DCP1A: variants seen among roughly 807,000 people sequenced by gnomAD.
DCP1A encodes mRNA-decapping enzyme 1A.
Under a neutral mutation model 58.0 loss-of-function variants are expected in DCP1A, and 20 were observed. The ratio of observed to expected loss-of-function variants is 0.34; its 90% CI spans 0.24 to 0.50. The LOEUF (loss-of-function observed/expected upper bound fraction) is 0.50, where lower values mean the gene tolerates loss of function less well. DCP1A is among the 20% of genes least tolerant of loss of function. The pLI is 0.98. For synonymous variants in DCP1A, 285 were observed against 275.1 expected (o/e 1.04, Z -0.36); for missense variants, 613 against 712.2 (o/e 0.86, Z 1.59).
chr3:53,313,008 A>G (rs2106836941), intron 4 of DCP1A, among the ~76,000 whole-genome samples: 1 of 152,256 alleles, frequency 6.6e-6, no homozygotes, highest in East Asian at 1.9e-4. Flanking sequence ...AGTCAAACTA[A>G]TTGCTAAAGT....
chr3:53,331,602 A>G (rs1158850655), intron 3 of DCP1A, among the ~76,000 whole-genome samples: 1 of 104,114 alleles, frequency 9.6e-6, no homozygotes, highest in African/African-American at 3.2e-5. Context: ...TGCATACAAC[A>G]AAACTGCCTA....
At chr3:53,316,837 C>G (rs1707829418) in intron 4 of DCP1A, among the ~76,000 whole-genome samples, 2 of 151,984 alleles carry the variant, frequency 1.3e-5, no homozygotes, top group Admixed American at 1.3e-4. Flanking sequence ...TGAAAGAAGC[C>G]CCAATGCTCT....
chr3:53,329,424 A>G (rs2088941677), intron 3 of DCP1A: 1 of 398,594 alleles, frequency 2.5e-6, no homozygotes. Context: ...ACGAAGGGGT[A>G]CTTCTCTCTG....
intron 3 of DCP1A, among the ~76,000 whole-genome samples, chr3:53,331,613 A>C (rs1189712449): frequency 1.4e-5 from 1 of 73,362 alleles, no homozygotes; most frequent in Non-Finnish European, 3.6e-5. Context: ...AAACTGCCTA[A>C]TGGCGCCTTT....
At chr3:53,312,677 G>A (rs1054819946) in intron 4 of DCP1A, among the ~76,000 whole-genome samples, 1 of 151,878 alleles carries the variant, frequency 6.6e-6, no homozygotes, top group African/African-American at 2.4e-5. Flanking sequence ...TGTATTTTTA[G>A]TAGAGATGGG....
At chr3:53,289,842 T>C (rs567016745) in intron 8 of DCP1A, among the ~76,000 whole-genome samples, 81 of 152,226 alleles carry the variant, frequency 5.3e-4, no homozygotes, top group Non-Finnish European at 9.3e-4. Flanking sequence ...CTTTCTCTTA[T>C]ATGTCACCTC....
intron 2 of DCP1A, among the ~76,000 whole-genome samples, chr3:53,344,328 T>A (rs1406492370): frequency 6.6e-6 from 1 of 152,168 alleles, no homozygotes; most frequent in Non-Finnish European, 1.5e-5. Context: ...AACAAAAAAG[T>A]TGCAATTTGC....
chr3:53,316,687 T>C lies in DCP1A; in HGVS notation c.371+2720A>G, dbSNP rs541138648. On this transcript the variant is annotated intron_variant, in intron 4 of 9. Coordinates refer to ENST00000610213, the MANE Select transcript of DCP1A (RefSeq NM_018403.7). ...TTGAACTCCTGGCCTTAAGCAATCC[T>C]CCCCGCCTTGACCTCCCAAAGTGCT... is the stretch of plus-strand genomic sequence containing the variant. Among the ~76,000 whole-genome samples, 7 of 139,316 alleles carry C rather than the reference T, an allele frequency of 5.0e-5. No individual in the cohort carries two copies. The East Asian group carries it at 1.7e-3, about 34-fold the overall frequency. 91.4% of individuals were successfully genotyped at this position (139,316 alleles called of 152,430 possible).
rs1553686094 is a variant in DCP1A, at chr3:53,292,189, A to G, written c.1263T>C (p.Phe421=). The change falls in exon 7 of 10, where the codon TTT becomes TTC. Residue 421 remains phenylalanine (F), a synonymous_variant. Coordinates refer to ENST00000610213, the MANE Select transcript of DCP1A (RefSeq NM_018403.7). ...PLGKGAMVAS[F]SPAAGQLATP... ...TGGCTAGCTGACCAGCTGCCGGAGAAAAGCTGGCTACCATTGCACCTTTCC... is the reference window on the plus strand; with the variant it reads ...TGGCTAGCTGACCAGCTGCCGGAGAGAAGCTGGCTACCATTGCACCTTTCC... 1 of 1,613,990 alleles carries G rather than the reference A, an allele frequency of 6.2e-7. No individual in the cohort carries two copies. The highest frequency in any genetic ancestry group is 2.2e-5 in the East Asian group (1 of 44,866).
intron 3 of DCP1A, among the ~76,000 whole-genome samples, chr3:53,328,033 T>C (rs781848080): frequency 6.6e-6 from 1 of 151,724 alleles, no homozygotes; most frequent in Non-Finnish European, 1.5e-5. Context: ...GGCAGAAGAA[T>C]CACTTGAACC....
At chr3:53,323,861 C>CA (rs11451581) in intron 3 of DCP1A, among the ~76,000 whole-genome samples, 7,160 of 72,124 alleles carry the variant, frequency 0.099, 492 homozygotes, top group African/African-American at 0.21. Flanking sequence ...GACTCTGTCT[C>CA]AAAAAAAAAA....
intron 3 of DCP1A, among the ~76,000 whole-genome samples, chr3:53,323,347 T>TA (rs782585813): frequency 9.2e-5 from 14 of 152,250 alleles, no homozygotes; most frequent in Non-Finnish European, 2.1e-4. Context: ...GGTTCTTAGT[T>TA]ACGCTCTTAG....
At chr3:53,329,057 C>T (rs1367108469) in intron 3 of DCP1A, 2 of 293,278 alleles carry the variant, frequency 6.8e-6, no homozygotes, top group Non-Finnish European at 1.2e-5. Context: ...ATGAATTCCT[C>T]TTTCAGTGTG....
chr3:53,313,992 C>T (rs999312189), intron 4 of DCP1A, among the ~76,000 whole-genome samples: 22 of 152,094 alleles, frequency 1.4e-4, no homozygotes, highest in African/African-American at 4.3e-4. Context: ...GCCTCAGCCT[C>T]CCAAAATACT....
rs1706534804 is a variant in DCP1A, at chr3:53,284,082, G to C, written c.*3498C>G. On this transcript the variant is annotated 3_prime_UTR_variant, in exon 10 of 10. Transcript: ENST00000610213. ...ACTGAAGAAAACTGAAGGGAGGCAA[G>C]AAAGAAAAACATACTCTGCAGCAAA... 1 of 152,220 alleles carries C rather than the reference G, an allele frequency of 6.6e-6. No individual in the cohort carries two copies. Among genetic ancestry groups the C allele is most frequent in the Admixed American group, 6.6e-5 (1 of 15,266 alleles). 9.4% of individuals were successfully genotyped at this position (152,220 alleles called of 1,614,324 possible).
chr3:53,344,780 G>T, intron 2 of DCP1A, 122 bp downstream of exon 2: 2 of 629,056 alleles, frequency 3.2e-6, no homozygotes, highest in South Asian at 4.4e-5. Context: ...GCTAGGGAAA[G>T]ATGAAAACTT....
chr3:53,304,389 T>A (rs1707405572), intron 5 of DCP1A, 99 bp from the exon 6 acceptor site: 9 of 822,862 alleles, frequency 1.1e-5, no homozygotes, highest in Admixed American at 5.5e-5. Flanking sequence ...TGTTATTTTT[T>A]AAAAAGAAGA....
At chr3:53,341,149 T>C (rs551030635) in intron 3 of DCP1A, among the ~76,000 whole-genome samples, 2 of 151,972 alleles carry the variant, frequency 1.3e-5, no homozygotes, top group Non-Finnish European at 2.9e-5. Flanking sequence ...ATCACCACTA[T>C]TCTGGGCAAA....
chr3:53,292,974 G>A, intron 6 of DCP1A, 147 bp from the exon 7 acceptor site: 1 of 800,370 alleles, frequency 1.2e-6, no homozygotes, highest in Non-Finnish European at 1.9e-6. Context: ...GATATACTAA[G>A]GATTAAGGCC....
Sources: allele counts gnomAD v4.1 joint callset (sites outside exome capture counted in the v4.1 genomes callset), GRCh38; gene constraint gnomAD v4.1.1; transcripts MANE v1.5; gene names NCBI Gene and HGNC (gene_info 2026-07-23, HGNC 2026-07-21).